The following WDR72 variants were observed in gnomAD, a reference collection of about 807,000 sequenced individuals.
WDR72 encodes the protein WD repeat-containing protein 72.
A neutral mutation model predicts 124.2 loss-of-function variants in WDR72; 120 were observed. The ratio of observed to expected loss-of-function variants is 0.97; its 90% CI spans 0.83 to 1.12. The LOEUF is 1.12. Ranked by LOEUF, WDR72 falls within the 50% of genes most tolerant of loss-of-function variation. The pLI, the probability that WDR72 is intolerant of heterozygous loss-of-function variation, is 0.00. For synonymous variants in WDR72, 452 were observed against 441.7 expected, an observed-to-expected ratio of 1.02 and a Z score of -0.29; for missense variants, 1,387 against 1,278.8, an observed-to-expected ratio of 1.08 and a Z score of -1.29.
chr15:53,716,908 T>G (rs2017728753), intron 3 of WDR72, among the ~76,000 whole-genome samples: 1 of 152,156 alleles, frequency 6.6e-6, no homozygotes, highest in African/African-American at 2.4e-5. Flanking sequence ...AAACCTTACT[T>G]TAGAGACAAC....
intron 13 of WDR72, among the ~76,000 whole-genome samples, chr15:53,691,196 CGTACCACT>C (rs1878838727): frequency 6.6e-6 from 1 of 152,054 alleles, no homozygotes; most frequent in Non-Finnish European, 1.5e-5. Context: ...ACTACTGGCA[CGTACCACT>C]GTGCCTGGCT....
intron 2 of WDR72, among the ~76,000 whole-genome samples, chr15:53,727,082 C>A (rs554940035): frequency 3.9e-5 from 6 of 151,944 alleles, no homozygotes; most frequent in Non-Finnish European, 2.9e-5. Context: ...GAGGCTGAGG[C>A]GGGTGGATCA....
intron 1 of WDR72, among the ~76,000 whole-genome samples, chr15:53,753,608 C>T (rs1210908831): frequency 6.6e-6 from 1 of 152,190 alleles, no homozygotes; most frequent in African/African-American, 2.4e-5. Context: ...ATAAGCCCCA[C>T]CTCTGTTTCA....
At chr15:53,653,200 G>C (rs539783971) in intron 14 of WDR72, among the ~76,000 whole-genome samples, 1 of 152,064 alleles carries the variant, frequency 6.6e-6, no homozygotes, top group African/African-American at 2.4e-5. Flanking sequence ...GACTTCAGTA[G>C]TTTTCAGTTC....
intron 18 of WDR72, among the ~76,000 whole-genome samples, chr15:53,535,696 T>A (rs981753761): frequency 1.3e-5 from 2 of 152,164 alleles, no homozygotes; most frequent in African/African-American, 4.8e-5. Flanking sequence ...ACAAACATGC[T>A]TTAGAATTCC....
intron 17 of WDR72, among the ~76,000 whole-genome samples, chr15:53,600,873 A>G (rs1452229886): frequency 6.6e-6 from 1 of 152,164 alleles, no homozygotes; most frequent in Non-Finnish European, 1.5e-5. Flanking sequence ...CAAATTAGCA[A>G]TCCCCAAACT....
At chr15:53,543,630 G>A (rs1323541720) in intron 18 of WDR72, among the ~76,000 whole-genome samples, 1 of 151,042 alleles carries the variant, frequency 6.6e-6, no homozygotes, top group African/African-American at 2.4e-5. Flanking sequence ...CAGAAGGCAA[G>A]AAATAACTAA....
At chr15:53,758,330 T>C (rs1455714612) in intron 1 of WDR72, among the ~76,000 whole-genome samples, 1 of 152,158 alleles carries the variant, frequency 6.6e-6, no homozygotes. Flanking sequence ...AAAATACTTA[T>C]AATTTTAAAA....
At chr15:53,669,980 T>C (rs561036105) in intron 13 of WDR72, among the ~76,000 whole-genome samples, 3 of 152,324 alleles carry the variant, frequency 2.0e-5, no homozygotes, top group Non-Finnish European at 2.9e-5. Flanking sequence ...ATATTTATTA[T>C]TCATTTGAAT....
intron 2 of WDR72, among the ~76,000 whole-genome samples, chr15:53,732,144 G>A (rs1388385436): frequency 6.6e-6 from 1 of 152,150 alleles, no homozygotes; most frequent in Non-Finnish European, 1.5e-5. Flanking sequence ...AGCTGAGCTG[G>A]TCTGCAATGC....
chr15:53,615,284 T>G lies in WDR72; in HGVS notation c.2780+142A>C, dbSNP rs1454039498. The G allele has an allele frequency of 3.3e-5, 21 of 629,572 alleles. No individual in the cohort carries two copies. The East Asian group carries it at 5.7e-4, about 17-fold the overall frequency. The allele number at this position is 629,572 out of a possible 1,614,324, so 39.0% of individuals were successfully genotyped here. A position where few individuals can be genotyped will look rare whatever the true frequency, so the allele number is the denominator to read the frequency against. On this transcript the variant is annotated intron_variant, in intron 15 of 19. Coordinates refer to ENST00000360509, the MANE Select transcript of WDR72 (RefSeq NM_182758.4). The stretch of plus-strand genomic sequence containing the variant: ...CAATTAAAAGGGAGATTTTCTTAAA[T>G]GTTTTTTAAACCAGAAATTGTTGCA...
At chr15:53,570,910 T>A (rs1894501789) in intron 18 of WDR72, among the ~76,000 whole-genome samples, 1 of 152,098 alleles carries the variant, frequency 6.6e-6, no homozygotes, top group Non-Finnish European at 1.5e-5. Context: ...TAAAAAAGAA[T>A]GAAATCTTGT....
At chr15:53,641,933 C>CT (rs1281442094) in intron 14 of WDR72, among the ~76,000 whole-genome samples, 18 of 151,580 alleles carry the variant, frequency 1.2e-4, no homozygotes, top group African/African-American at 4.1e-4. Context: ...TTCCTTCCAT[C>CT]TTTTTTTTCT....
intron 14 of WDR72, among the ~76,000 whole-genome samples, chr15:53,658,976 G>A (rs1306432044): frequency 6.6e-6 from 1 of 152,180 alleles, no homozygotes; most frequent in Non-Finnish European, 1.5e-5. Flanking sequence ...TGCTGTCAAA[G>A]CCACTCTTTA....
At chr15:53,545,168 A>T (rs1245172283) in intron 18 of WDR72, among the ~76,000 whole-genome samples, 1 of 151,280 alleles carries the variant, frequency 6.6e-6, no homozygotes, top group South Asian at 2.1e-4. Context: ...ACTACTTTAA[A>T]GTTCATGTGG....
intron 2 of WDR72, among the ~76,000 whole-genome samples, chr15:53,732,488 T>C (rs502673): frequency 0.99 from 150,857 of 152,288 alleles, 74,726 homozygotes; most frequent in Middle Eastern, 1. Flanking sequence ...AATAGAAGGA[T>C]GACAATAGTA....
intron 9 of WDR72, among the ~76,000 whole-genome samples, chr15:53,707,814 A>C (rs1000748627): frequency 3.3e-5 from 5 of 152,130 alleles, no homozygotes; most frequent in African/African-American, 1.2e-4. Flanking sequence ...GCTATTTGAA[A>C]TGGTGTTGAT....
intron 14 of WDR72, among the ~76,000 whole-genome samples, chr15:53,644,092 T>G (rs527736318): frequency 6.6e-6 from 1 of 152,154 alleles, no homozygotes; most frequent in Non-Finnish European, 1.5e-5. Flanking sequence ...ATGAAAACAG[T>G]GTATCCATCA....
chr15:53,717,015 T>A (rs2017732259), intron 3 of WDR72, among the ~76,000 whole-genome samples: 1 of 152,182 alleles, frequency 6.6e-6, no homozygotes, highest in South Asian at 2.1e-4. Flanking sequence ...GAAAATGCTT[T>A]ATTTCACTGA....
Sources: gnomAD v4.1 joint callset for allele counts (sites outside exome capture counted in the v4.1 genomes callset) on GRCh38, gnomAD v4.1.1 for gene constraint, MANE v1.5 for transcripts, NCBI Gene and HGNC (gene_info 2026-07-23, HGNC 2026-07-21) for gene names.